Variants in TIAM1 observed in about 807,000 individuals in gnomAD.
TIAM1 encodes the protein TIAM Rac1 associated GEF 1, also known as rho guanine nucleotide exchange factor TIAM1.
A neutral mutation model predicts 163.5 loss-of-function variants in TIAM1; 65 were observed. The ratio of observed to expected loss-of-function variants is 0.40; its 90% confidence interval spans 0.33 to 0.49. The LOEUF (loss-of-function observed/expected upper bound fraction) is 0.49, where lower values mean the gene tolerates loss of function less well. Ranked by LOEUF, TIAM1 falls within the 20% of genes least tolerant of loss-of-function variation. The pLI is 0.77. For synonymous variants in TIAM1, 833 were observed against 810.1 expected, an observed-to-expected ratio of 1.03 and a Z score of -0.48; for missense variants, 1,789 against 2,044.7, an observed-to-expected ratio of 0.87 and a Z score of 2.41.
chr21:31,365,757 T>C (rs2076494204), intron 2 of TIAM1, among the ~76,000 whole-genome samples: 1 of 152,094 alleles, frequency 6.6e-6, no homozygotes, highest in Admixed American at 6.6e-5. Flanking sequence ...GCTTGAGAGA[T>C]ATTCCCTGAA....
At chr21:31,323,892 C>G (rs2075398688) in intron 2 of TIAM1, among the ~76,000 whole-genome samples, 1 of 151,740 alleles carries the variant, frequency 6.6e-6, no homozygotes. Context: ...CTTGTAGTCC[C>G]AGCTACTCAG....
rs530231573 is a variant in TIAM1 at position 31,119,714 on chromosome 21, T to G, written c.*654A>C. ...TTCTCTCAAGCGATAAATTTGGATC[T>G]CTTTTCAAAGAGTTTGGCATCTCTA... On this transcript the variant is annotated 3_prime_UTR_variant, in exon 28 of 28. Coordinates refer to ENST00000541036, the MANE Select transcript of TIAM1 (RefSeq NM_001353694.2). 1.3e-5 allele frequency: 2 copies of G among 152,576 alleles called. No individual in the cohort carries two copies. Among genetic ancestry groups the G allele is most frequent in the East Asian group, 3.9e-4 (2 of 5,158 alleles). The allele number at this position is 152,576 out of a possible 1,614,324, so 9.5% of individuals were successfully genotyped here. A position where few individuals can be genotyped will look rare whatever the true frequency, so the allele number is the denominator to read the frequency against.
chr21:31,351,302 GCCCAGTA>G (rs2076230410), intron 2 of TIAM1, among the ~76,000 whole-genome samples: 1 of 152,160 alleles, frequency 6.6e-6, no homozygotes, highest in African/African-American at 2.4e-5. Context: ...GACAGCTTCA[GCCCAGTA>G]CCCAGGTCAA....
At chr21:31,218,869 T>C (rs550091677) in intron 8 of TIAM1, among the ~76,000 whole-genome samples, 4 of 152,206 alleles carry the variant, frequency 2.6e-5, no homozygotes, top group Admixed American at 6.5e-5. Flanking sequence ...CAAAAGGGAC[T>C]GGGCTCACTG....
chr21:31,334,094 T>C (rs2075766144), intron 2 of TIAM1, among the ~76,000 whole-genome samples: 1 of 152,220 alleles, frequency 6.6e-6, no homozygotes, highest in South Asian at 2.1e-4. Context: ...CTTTTCCACT[T>C]CGATTCAACC....
In TIAM1 at chr21:31,365,783, C is replaced by A. The variant is rs149693927; in HGVS notation, c.-368-26361G>T. Among the ~76,000 whole-genome samples the A allele has an allele frequency of 2.5e-3, 375 of 152,072 alleles. 1 individual carries two copies. The highest frequency in any genetic ancestry group is 8.8e-3 in the African/African-American group (366 of 41,502). On this transcript the variant is annotated intron_variant, in intron 2 of 28. Transcript: ENST00000286827. ...ATTCCCTGAATCAAACCATATTCCC[C>A]AACAACTGCAAGATTTCACTGTCAA...
intron 2 of TIAM1, among the ~76,000 whole-genome samples, chr21:31,317,453 C>CA (rs2075165868): frequency 1.3e-5 from 2 of 150,592 alleles, no homozygotes; most frequent in South Asian, 2.1e-4. Flanking sequence ...AACTCCATCT[C>CA]AAAAAAACAA....
chr21:31,232,671 G>A lies in TIAM1; in HGVS notation c.1585-6721C>T, dbSNP rs547641472. Among the ~76,000 whole-genome samples, 359 of 152,248 alleles carry A rather than the reference G, an allele frequency of 2.4e-3. 5 individuals are homozygous for A. Among genetic ancestry groups the A allele is most frequent in the African/African-American group, 8.1e-3 (335 of 41,518 alleles). On this transcript the variant is annotated intron_variant, in intron 6 of 27. Coordinates refer to ENST00000541036, the MANE Select transcript of TIAM1 (RefSeq NM_001353694.2). ...TCTGACATGCTAGAAAAAGCCATCC[G>A]AAGCCACTAACCTTGCCTCCCCTTC...
chr21:31,246,227 T>C (rs1450549030), intron 5 of TIAM1, among the ~76,000 whole-genome samples: 1 of 152,142 alleles, frequency 6.6e-6, no homozygotes. Context: ...TAAACTTTTT[T>C]TTTTTCTAGA....
intron 2 of TIAM1, among the ~76,000 whole-genome samples, chr21:31,377,760 C>T (rs1442675808): frequency 3.3e-5 from 5 of 151,740 alleles, no homozygotes; most frequent in African/African-American, 7.3e-5. Flanking sequence ...TTGGATACCA[C>T]ATCTCCCATC....
intron 19 of TIAM1, among the ~76,000 whole-genome samples, chr21:31,148,928 C>T (rs2083253578): frequency 6.7e-6 from 1 of 150,090 alleles, no homozygotes; most frequent in Non-Finnish European, 1.5e-5. Flanking sequence ...CTCTATGCAA[C>T]ACAGTTTGAA....
At chr21:31,465,185 G>A (rs1026653262) in intron 1 of TIAM1, among the ~76,000 whole-genome samples, 7 of 151,890 alleles carry the variant, frequency 4.6e-5, no homozygotes, top group African/African-American at 1.5e-4. Flanking sequence ...CAGCCTGGGC[G>A]ACAGAGCAAG....
At chr21:31,219,000 G>A (rs1430130549) in intron 8 of TIAM1, among the ~76,000 whole-genome samples, 1 of 146,296 alleles carries the variant, frequency 6.8e-6, no homozygotes, top group Non-Finnish European at 1.5e-5. Context: ...ATTACAATGT[G>A]CCAGCAACCC....
At position 31,495,365 on chromosome 21, in the gene TIAM1, T is replaced by C. The variant is rs142747631; in HGVS notation, c.-421-31330A>G. Among the ~76,000 whole-genome samples, 121 of 152,032 alleles carry C rather than the reference T, an allele frequency of 8.0e-4. 1 individual carries two copies. In the East Asian group the frequency reaches 0.016, roughly 20 times the overall value. On this transcript the variant is annotated intron_variant, in intron 1 of 28. Transcript: ENST00000286827. Reference sequence around the variant, plus strand: ...CTTTCTGCCTCCAAGATGGTACCTTTTGATGTGGCATCCTCCAGAGAGGAG... The same window carrying C: ...CTTTCTGCCTCCAAGATGGTACCTTCTGATGTGGCATCCTCCAGAGAGGAG...
At chr21:31,167,069 A>G (rs2084259230) in intron 15 of TIAM1, among the ~76,000 whole-genome samples, 1 of 151,820 alleles carries the variant, frequency 6.6e-6, no homozygotes, top group Non-Finnish European at 1.5e-5. Flanking sequence ...AATAGTGGGA[A>G]AGCAAATAAA....
At chr21:31,194,802 G>C (rs749517727) in intron 13 of TIAM1, among the ~76,000 whole-genome samples, 1 of 152,298 alleles carries the variant, frequency 6.6e-6, no homozygotes, top group East Asian at 1.9e-4. Context: ...TTCTTCCACT[G>C]TTCTGTTTCC....
chr21:31,141,824 T>C lies in TIAM1; in HGVS notation c.3476-320A>G, dbSNP rs573407574. On this transcript the variant is annotated intron_variant, in intron 20 of 27. Coordinates refer to ENST00000541036, the MANE Select transcript of TIAM1 (RefSeq NM_001353694.2). This position sits in a 1 kb window ranked among gnomAD's most constrained non-coding sequence, Gnocchi z 4.7. ...TACACATGTTTTTTTATCCTGATGT[T>C]TTGACACCTGGGGCCTTACTGTCCA... is the stretch of plus-strand genomic sequence containing the variant. Among the ~76,000 whole-genome samples, 86 of 152,256 alleles carry C rather than the reference T, an allele frequency of 5.6e-4. No individual in the cohort carries two copies. Among genetic ancestry groups the C allele is most frequent in the African/African-American group, 2.0e-3 (82 of 41,554 alleles).
At chr21:31,474,650 A>G (rs2045872438) in intron 1 of TIAM1, among the ~76,000 whole-genome samples, 1 of 150,866 alleles carries the variant, frequency 6.6e-6, no homozygotes, top group Non-Finnish European at 1.5e-5. Context: ...GGTTCAAGCG[A>G]TTCTCCTGCC....
chr21:31,192,192 C>T (rs778211108), intron 13 of TIAM1, among the ~76,000 whole-genome samples: 5 of 152,188 alleles, frequency 3.3e-5, no homozygotes, highest in Non-Finnish European at 5.9e-5. Context: ...AAACTGGATT[C>T]TCTTCATTAG....
Sources: allele counts gnomAD v4.1 joint callset (sites outside exome capture counted in the v4.1 genomes callset), GRCh38; gene constraint gnomAD v4.1.1; non-coding constraint Gnocchi (gnomAD v3.1); transcripts MANE v1.5; gene names NCBI Gene and HGNC (gene_info 2026-07-23, HGNC 2026-07-21).